PRUNE1: variants seen among roughly 807,000 people sequenced by gnomAD.
PRUNE1 encodes the protein exopolyphosphatase PRUNE1.
In PRUNE1, 25 loss-of-function variants were observed where a neutral mutation model predicts 42.5. The ratio of observed to expected loss-of-function variants is 0.59; its 90% confidence interval spans 0.43 to 0.82. The LOEUF (loss-of-function observed/expected upper bound fraction) is 0.82. PRUNE1 is among the 40% of genes least tolerant of loss of function. The pLI is 0.00. For missense variants in PRUNE1, 443 were observed against 539.3 expected, an observed-to-expected ratio of 0.82 and a Z score of 1.77; for synonymous variants, 203 against 217.1, an observed-to-expected ratio of 0.93 and a Z score of 0.57.
intron 1 of PRUNE1, 113 bp from the exon 2 acceptor site, chr1:151,017,699 C>T: frequency 1.8e-6 from 1 of 550,734 alleles, no homozygotes; most frequent in East Asian, 4.0e-5. Flanking sequence ...GCATTCCAGC[C>T]TGGGCGACAG....
chr1:151,020,598 A>T lies in PRUNE1; in HGVS notation c.335+1929A>T, dbSNP rs116217999. 7.5e-3 allele frequency among the ~76,000 whole-genome samples: 1,136 copies of T among 152,250 alleles called. 8 individuals carry two copies. The highest frequency in any genetic ancestry group is 0.012 in the Non-Finnish European group (847 of 68,008). On this transcript the variant is annotated intron_variant, in intron 3 of 7. Coordinates refer to ENST00000271620, the MANE Select transcript of PRUNE1 (RefSeq NM_021222.3). ...GGCAAGATGGTGAGATCCCATCTCT[A>T]CAAAAAAATTTAAAAGCACACAAAA... is the stretch of plus-strand genomic sequence containing the variant.
chr1:151,022,476 T>C (rs967693920), intron 3 of PRUNE1, among the ~76,000 whole-genome samples: 5 of 148,762 alleles, frequency 3.4e-5, no homozygotes, highest in African/African-American at 1.2e-4. Context: ...TGGAGTGCAC[T>C]GGCGCGATCT....
intron 1 of PRUNE1, among the ~76,000 whole-genome samples, chr1:151,017,512 G>A (rs1457510652): frequency 2.0e-5 from 3 of 151,982 alleles, no homozygotes; most frequent in Admixed American, 2.0e-4. Context: ...CAGCACTTTG[G>A]ATCTCGAGCC....
At chr1:151,019,991 C>T (rs950510364) in intron 3 of PRUNE1, among the ~76,000 whole-genome samples, 3 of 150,636 alleles carry the variant, frequency 2.0e-5, no homozygotes, top group Non-Finnish European at 3.0e-5. Flanking sequence ...GCCACCATGC[C>T]CAGCTAATTT....
At chr1:151,013,754 T>C (rs1047462802) in intron 1 of PRUNE1, among the ~76,000 whole-genome samples, 6 of 152,192 alleles carry the variant, frequency 3.9e-5, no homozygotes, top group Non-Finnish European at 7.3e-5. Context: ...GAGCAAGTTA[T>C]TTCTGCAGCC....
chr1:151,017,639 A>G (rs994135937), intron 1 of PRUNE1, among the ~76,000 whole-genome samples, 173 bp from the exon 2 acceptor site: 1 of 152,072 alleles, frequency 6.6e-6, no homozygotes, highest in East Asian at 1.9e-4. Context: ...AGGAGGATCG[A>G]CTGAACCTAG....
At position 151,018,577 on chromosome 1, in the gene PRUNE1, T is replaced by C. The variant is rs1674238064; in HGVS notation, c.243T>C (p.Ser81=). The change falls in exon 3 of 8, where the codon AGT becomes AGC. Residue 81 remains serine, a synonymous_variant. Transcript: ENST00000271620. ...TTCAGAAGGTTCATATTCCAGAGAG[T>C]ATCTTGATTTTTCGGGATGAGATTG... is the stretch of plus-strand genomic sequence containing the variant. The part of the protein sequence containing the change: ...FFLQKVHIPE[S]ILIFRDEIDL... The C allele has an allele frequency of 6.2e-6, 10 of 1,613,876 alleles. No homozygotes were observed. The highest frequency in any genetic ancestry group is 8.5e-6 in the Non-Finnish European group (10 of 1,179,950).
rs34162206 is a variant in PRUNE1, at chr1:151,027,584, A to ATTTTTT, written c.774+270_774+275dup. 6.3e-3 allele frequency among the ~76,000 whole-genome samples: 845 copies of ATTTTTT among 134,958 alleles called. 13 individuals carry two copies. The highest frequency in any genetic ancestry group is 0.023 in the African/African-American group (810 of 35,318). 88.5% of individuals were successfully genotyped at this position (134,958 alleles called of 152,430 possible). ...GCAGCAGCCAGAGTGGTCTTTTTTA[A>ATTTTTT]TTTTTTTTTTTTTTTTTTAAGGGAG... is the stretch of plus-strand genomic sequence containing the variant. On this transcript the variant is annotated intron_variant, in intron 6 of 7. Transcript: ENST00000271620.
chr1:151,027,771 T>TGC lies in PRUNE1; in HGVS notation c.774+445_774+446insCG, dbSNP rs1334633860. ...TAGTGTGTGTGTGTGTGTGTGTGTG[T>TGC]GTGTGTGTGTGCGCGCGCGTGTATG... On this transcript the variant is annotated intron_variant, in intron 6 of 7. Coordinates refer to ENST00000271620, the MANE Select transcript of PRUNE1 (RefSeq NM_021222.3). Among the ~76,000 whole-genome samples, 840 of 141,466 alleles carry TGC rather than the reference T, an allele frequency of 5.9e-3. 15 individuals are homozygous for TGC. Among genetic ancestry groups the TGC allele is most frequent in the African/African-American group, 0.025 (811 of 32,694 alleles). The allele number at this position is 141,466 out of a possible 152,430, so 92.8% of individuals were successfully genotyped here.
intron 3 of PRUNE1, among the ~76,000 whole-genome samples, chr1:151,021,623 T>A (rs587754309): frequency 6.6e-6 from 1 of 152,286 alleles, no homozygotes; most frequent in South Asian, 2.1e-4. Flanking sequence ...TATTTTTTTC[T>A]TGAGCACATT....
At chr1:151,014,268 C>G (rs1236764367) in intron 1 of PRUNE1, among the ~76,000 whole-genome samples, 3 of 152,186 alleles carry the variant, frequency 2.0e-5, no homozygotes, top group African/African-American at 7.2e-5. Context: ...CGTAAGCCAC[C>G]GCGCCCGGCC....
At chr1:151,024,186 C>CAAAAAAA (rs34553676) in intron 3 of PRUNE1, among the ~76,000 whole-genome samples, 1 of 108,470 alleles carries the variant, frequency 9.2e-6, no homozygotes. Flanking sequence ...GACTCCGTCT[C>CAAAAAAA]AAAAAAAAAA....
rs751818058 is a variant in PRUNE1 at position 151,033,967 on chromosome 1, C to T, written c.1095C>T (p.Ser365=). The change falls in exon 8 of 8, where the codon TCC becomes TCT. Residue 365 remains serine, a synonymous_variant. Transcript: ENST00000271620. ...AAGCCCTGTCAGCATATTTTGACTCCATGAAGATCCCTTCAGGACAGCCTG... is the reference window on the plus strand; with the variant it reads ...AAGCCCTGTCAGCATATTTTGACTCTATGAAGATCCCTTCAGGACAGCCTG... ...LQEALSAYFD[S]MKIPSGQPET... 1 of 1,614,162 alleles carries T rather than the reference C, an allele frequency of 6.2e-7. No homozygotes were observed. The highest frequency in any genetic ancestry group is 8.5e-7 in the Non-Finnish European group (1 of 1,180,008).
intron 1 of PRUNE1, among the ~76,000 whole-genome samples, chr1:151,012,855 TC>T (rs1350851833): frequency 6.6e-6 from 1 of 151,984 alleles, no homozygotes; most frequent in Non-Finnish European, 1.5e-5. Context: ...CACTGCAACC[TC>T]CGCCTCCCGG....
At chr1:151,023,144 G>T (rs1472494742) in intron 3 of PRUNE1, among the ~76,000 whole-genome samples, 1 of 152,144 alleles carries the variant, frequency 6.6e-6, no homozygotes, top group Non-Finnish European at 1.5e-5. Flanking sequence ...ATTTTAGGCC[G>T]TGGGGAACTA....
chr1:151,008,690 T>C lies in PRUNE1; in HGVS notation c.39+19T>C, dbSNP rs1398903812. The C allele has an allele frequency of 1.9e-6, 3 of 1,613,098 alleles. No individual in the cohort carries two copies. Among genetic ancestry groups the C allele is most frequent in the Non-Finnish European group, 2.5e-6 (3 of 1,179,626 alleles). ...TCTGCAGGTAACGAATCCCTGTCTG[T>C]GACTGTAAGGAATGGAGCACGGGGT... On this transcript the variant is annotated intron_variant, in intron 1 of 7. Coordinates refer to ENST00000271620, the MANE Select transcript of PRUNE1 (RefSeq NM_021222.3).
In PRUNE1 at chr1:151,035,455, C is replaced by T. The variant is rs1675502439; in HGVS notation, c.*1221C>T. ...GTCTCCCCATTTTTTTTAACGCAAC[C>T]CTTTCCCCTTTTTCCTACCCCACAG... On this transcript the variant is annotated 3_prime_UTR_variant, in exon 8 of 8. Coordinates refer to ENST00000271620, the MANE Select transcript of PRUNE1 (RefSeq NM_021222.3). 2 of 152,336 alleles carry T rather than the reference C, an allele frequency of 1.3e-5. No individual in the cohort carries two copies. Among genetic ancestry groups the T allele is most frequent in the South Asian group, 4.2e-4 (2 of 4,810 alleles). 9.4% of individuals were successfully genotyped at this position (152,336 alleles called of 1,614,324 possible).
rs760839907 is a variant in PRUNE1, at chr1:151,034,203, A to C, written c.1331A>C (p.Gln444Pro). The change falls in exon 8 of 8, where the codon CAG (glutamine) becomes CCG (proline). Residue 444 changes from glutamine (Q) to proline (P), a missense_variant. By Grantham distance (76) the Gln-to-Pro change is moderately conservative. Transcript: ENST00000271620. ...AAGTGCAGTCAGATCTCACTGTCAC[A>C]GTCTACCACAGCCTCCCTGTCCAAG... is the stretch of plus-strand genomic sequence containing the variant. ...FEKCSQISLS[Q>P]STTASLSKK The C allele has an allele frequency of 6.2e-7, 1 of 1,612,954 alleles. No individual in the cohort carries two copies. The highest frequency in any genetic ancestry group is 1.3e-5 in the African/African-American group (1 of 75,032).
intron 6 of PRUNE1, among the ~76,000 whole-genome samples, chr1:151,028,418 GTTTTGTTTTGT>G (rs1558087461): frequency 6.6e-6 from 1 of 150,410 alleles, no homozygotes; most frequent in Non-Finnish European, 1.5e-5. Flanking sequence ...TTTTTGTTTT[GTTTTGTTTTGT>G]TTTTGTTTTT....
Sources: gnomAD v4.1 joint callset for allele counts (sites outside exome capture counted in the v4.1 genomes callset) on GRCh38, gnomAD v4.1.1 for gene constraint, MANE v1.5 for transcripts, NCBI Gene and HGNC (gene_info 2026-07-23, HGNC 2026-07-21) for gene names.